NAV2: variants seen among roughly 807,000 people sequenced by gnomAD.
The protein encoded by NAV2 is neuron navigator 2.
Under a neutral mutation model 223.2 loss-of-function variants are expected in NAV2, and 54 were observed. That is an observed-to-expected ratio of 0.24 (90% CI 0.19 to 0.30). The LOEUF (loss-of-function observed/expected upper bound fraction) is 0.30. NAV2 is among the 10% of genes least tolerant of loss of function. The pLI, the probability that NAV2 is intolerant of heterozygous loss-of-function variation, is 1.00. For missense variants in NAV2, 2,806 were observed against 3,147.5 expected, an observed-to-expected ratio of 0.89 and a Z score of 2.60; for synonymous variants, 1,279 against 1,239.3, an observed-to-expected ratio of 1.03 and a Z score of -0.67.
intron 35 of NAV2, chr11:20,107,242 TAG>T (rs1491417703): frequency 5.4e-5 from 8 of 147,898 alleles, no homozygotes; most frequent in African/African-American, 1.5e-4. Flanking sequence ...CACGCCTGGC[TAG>T]TTTTTTTTTT....
chr11:19,952,141 T>C (rs542110977), intron 10 of NAV2, among the ~76,000 whole-genome samples: 22 of 152,386 alleles, frequency 1.4e-4, no homozygotes, highest in African/African-American at 5.0e-4. Context: ...CTCATCATAT[T>C]CTTCCTATAA....
chr11:19,801,580 C>A (rs1399059105), intron 1 of NAV2, among the ~76,000 whole-genome samples: 1 of 152,162 alleles, frequency 6.6e-6, no homozygotes, highest in Non-Finnish European at 1.5e-5. Context: ...TAGGGTCAGG[C>A]ACATGGACCT....
chr11:19,481,219 C>A (rs2042270015), intron 1 of NAV2, among the ~76,000 whole-genome samples: 1 of 152,044 alleles, frequency 6.6e-6, no homozygotes, highest in African/African-American at 2.4e-5. Flanking sequence ...TGGATAGGGA[C>A]AATGGTGGCT....
At chr11:19,669,952 A>G (rs2048532331) in intron 1 of NAV2, among the ~76,000 whole-genome samples, 1 of 152,192 alleles carries the variant, frequency 6.6e-6, no homozygotes, top group Non-Finnish European at 1.5e-5. Context: ...TATGCCCTGC[A>G]TACACACATC....
chr11:19,838,780 T>C (rs566919555), intron 2 of NAV2, among the ~76,000 whole-genome samples: 1 of 152,168 alleles, frequency 6.6e-6, no homozygotes, highest in African/African-American at 2.4e-5. Flanking sequence ...TACACCACCA[T>C]GCCCAGCTAA....
intron 1 of NAV2, among the ~76,000 whole-genome samples, chr11:19,436,933 T>A (rs1431350657): frequency 1.3e-5 from 2 of 152,216 alleles, no homozygotes; most frequent in African/African-American, 4.8e-5. Flanking sequence ...TGATTTTATA[T>A]CCTGTAACTT....
rs112304985 is a variant in NAV2, at chr11:19,882,624, T to C, written c.770+2497T>C. On this transcript the variant is annotated intron_variant, in intron 5 of 37. Transcript: ENST00000349880. ...ATCCATTTCCATGGTAGGCGTTTGT[T>C]TTCTTAAAATAACCAGATATTCCAG... Among the ~76,000 whole-genome samples the C allele has an allele frequency of 2.0e-3, 301 of 152,306 alleles. 1 individual carries two copies. Among genetic ancestry groups the C allele is most frequent in the African/African-American group, 6.8e-3 (283 of 41,564 alleles).
intron 1 of NAV2, among the ~76,000 whole-genome samples, chr11:19,632,585 TG>T (rs1452872684): frequency 2.0e-5 from 3 of 152,218 alleles, no homozygotes; most frequent in Non-Finnish European, 4.4e-5. Context: ...TGGTTTTCAT[TG>T]TGGTCAGTTC....
intron 1 of NAV2, among the ~76,000 whole-genome samples, chr11:19,738,492 G>A (rs1391335352): frequency 6.6e-6 from 1 of 152,224 alleles, no homozygotes; most frequent in African/African-American, 2.4e-5. Context: ...TAAGTGGATG[G>A]TGGCTTTTCC....
chr11:19,468,145 TC>T (rs1852435521), intron 1 of NAV2, among the ~76,000 whole-genome samples: 1 of 152,172 alleles, frequency 6.6e-6, no homozygotes, highest in Non-Finnish European at 1.5e-5. Context: ...TTGGCTTCCA[TC>T]CCCAACTCCA....
At chr11:19,392,821 C>T (rs1407662632) in intron 1 of NAV2, among the ~76,000 whole-genome samples, 1 of 152,172 alleles carries the variant, frequency 6.6e-6, no homozygotes, top group East Asian at 1.9e-4. Flanking sequence ...GCAGTAAATC[C>T]AGGCATAGTG....
chr11:19,438,491 T>G (rs1270617103), intron 1 of NAV2, among the ~76,000 whole-genome samples: 1 of 152,214 alleles, frequency 6.6e-6, no homozygotes, highest in African/African-American at 2.4e-5. Flanking sequence ...CTCATAACAC[T>G]TCTAACACCA....
intron 1 of NAV2, among the ~76,000 whole-genome samples, chr11:19,441,411 T>C (rs903801307): frequency 2.0e-5 from 3 of 149,642 alleles, no homozygotes; most frequent in Non-Finnish European, 4.4e-5. Context: ...ATCGGAGAGG[T>C]ACAAGAAAGG....
rs2063354187 is a variant in NAV2, at chr11:20,119,261, G to A, written c.*1003G>A. 1 of 151,978 alleles carries A rather than the reference G, an allele frequency of 6.6e-6. No individual in the cohort carries two copies. Among genetic ancestry groups the A allele is most frequent in the African/African-American group, 2.4e-5 (1 of 41,328 alleles). The allele number at this position is 151,978 out of a possible 1,614,324, so 9.4% of individuals were successfully genotyped here. ...TAAGAACCGCAGGAGTTGAGTTTTG[G>A]TTTGGTCCTGCTCAGTTTTGGTTTT... On this transcript the variant is annotated 3_prime_UTR_variant, in exon 38 of 38. Transcript: ENST00000349880.
At chr11:20,071,541 G>A (rs1215265257) in intron 22 of NAV2, among the ~76,000 whole-genome samples, 4 of 152,182 alleles carry the variant, frequency 2.6e-5, no homozygotes, top group Admixed American at 6.5e-5. Context: ...TTGCCACACT[G>A]TCTTACATAA....
intron 1 of NAV2, among the ~76,000 whole-genome samples, chr11:19,421,195 C>A (rs1464601107): frequency 1.3e-5 from 2 of 152,308 alleles, no homozygotes; most frequent in Non-Finnish European, 2.9e-5. Context: ...TCAGCTGCAT[C>A]CCAAATGGAA....
intron 1 of NAV2, among the ~76,000 whole-genome samples, chr11:19,366,350 G>C (rs537737940): frequency 3.9e-5 from 6 of 152,318 alleles, no homozygotes; most frequent in African/African-American, 1.4e-4. Flanking sequence ...TGGCAGGAGG[G>C]TGTGGATGGC....
At chr11:19,418,267 C>G (rs1316461066) in intron 1 of NAV2, among the ~76,000 whole-genome samples, 1 of 152,118 alleles carries the variant, frequency 6.6e-6, no homozygotes, top group Non-Finnish European at 1.5e-5. Flanking sequence ...ATGATAGGGG[C>G]TGAGAGTGAG....
intron 1 of NAV2, among the ~76,000 whole-genome samples, chr11:19,458,909 G>A (rs1266555113): frequency 1.3e-5 from 2 of 152,232 alleles, no homozygotes; most frequent in Non-Finnish European, 2.9e-5. Flanking sequence ...CCAACTACCT[G>A]TGAGACTGTG....
Sources: gnomAD v4.1 joint callset for allele counts (sites outside exome capture counted in the v4.1 genomes callset) on GRCh38, gnomAD v4.1.1 for gene constraint, MANE v1.5 for transcripts, NCBI Gene and HGNC (gene_info 2026-07-23, HGNC 2026-07-21) for gene names.